CUL4B: variants seen among roughly 807,000 people sequenced by gnomAD.
CUL4B encodes cullin 4B.
In CUL4B, 1 loss-of-function variant was observed where a neutral mutation model predicts 69.2. The ratio of observed to expected loss-of-function variants is 0.01; its 90% CI spans 0.01 to 0.07. CUL4B has a LOEUF of 0.07. CUL4B is among the 10% of genes least tolerant of loss of function. CUL4B has a pLI of 1.00. For missense variants in CUL4B, 328 were observed against 638.8 expected, an observed-to-expected ratio of 0.51 and a Z score of 5.24; for synonymous variants, 237 against 223.2, an observed-to-expected ratio of 1.06 and a Z score of -0.55.
chrX:120,552,905 T>C (rs1457265423), intron 2 of CUL4B, among the ~76,000 whole-genome samples: 1 of 111,986 alleles, frequency 8.9e-6, no homozygotes, highest in Non-Finnish European at 1.9e-5. Context: ...TATCTCTCTT[T>C]TTATGTCAAG....
At chrX:120,561,075 G>A (rs1202435203), upstream of CUL4B, 8 of 1,009,119 alleles carry the variant, frequency 7.9e-6, no homozygotes, top group Non-Finnish European at 1.0e-5. Context: ...AATAGCACAA[G>A]AGGCTAAAGA....
intron 19 of CUL4B, among the ~76,000 whole-genome samples, chrX:120,529,570 C>A (rs1280806973): frequency 9.0e-6 from 1 of 111,632 alleles, no homozygotes; most frequent in Non-Finnish European, 1.9e-5. Context: ...TATTATTGGT[C>A]ATTCACAATG....
chrX:120,547,124 T>TA lies in CUL4B; in HGVS notation c.776+11dup, dbSNP rs200461872. 0.011 allele frequency: 12,947 copies of TA among 1,154,497 alleles called. 721 individuals are homozygous for TA. The African/African-American group carries it at 0.18, about 16-fold the overall frequency. On this transcript the variant is annotated intron_variant, in intron 3 of 19. Transcript: ENST00000371322. ...CAAAACTATTCACGATTTTTTGTTT[T>TA]AAAAAGGATATTCTCTGAATTGATG... is the stretch of plus-strand genomic sequence containing the variant.
chrX:120,556,684 C>T (rs1016032541), intron 2 of CUL4B, among the ~76,000 whole-genome samples: 2 of 108,794 alleles, frequency 1.8e-5, no homozygotes, highest in African/African-American at 6.7e-5. Flanking sequence ...CTTAAAAAAA[C>T]AGGAAAAAAA....
chrX:120,543,495 A>AAC lies in CUL4B; in HGVS notation c.1256+230_1256+231dup, dbSNP rs60058698. On this transcript the variant is annotated intron_variant, in intron 8 of 19. Coordinates refer to ENST00000371322, the MANE Select transcript of CUL4B (RefSeq NM_001079872.2). ...AGTATTATTTCTAAATTACCTTCTA[A>AAC]ACACACACACACACACACACACACA... 8.0e-3 allele frequency among the ~76,000 whole-genome samples: 789 copies of AAC among 98,153 alleles called. 3 individuals carry two copies. The highest frequency in any genetic ancestry group is 0.017 in the South Asian group (34 of 2,026). 85.2% of individuals were successfully genotyped at this position (98,153 alleles called of 115,157 possible).
chrX:120,566,209 A>G (rs1194604417), upstream of CUL4B, among the ~76,000 whole-genome samples: 1 of 106,049 alleles, frequency 9.4e-6, no homozygotes, highest in Non-Finnish European at 1.9e-5. Flanking sequence ...TAATCCAACT[A>G]CACAATGTGA....
At chrX:120,566,027 C>G (rs1020915394), upstream of CUL4B, among the ~76,000 whole-genome samples, 14 of 108,486 alleles carry the variant, frequency 1.3e-4, no homozygotes, top group Admixed American at 1.3e-3. Context: ...CGCGCCCGGC[C>G]CAGGCAGTCC....
intron 2 of CUL4B, among the ~76,000 whole-genome samples, chrX:120,548,093 G>T (rs968012442): frequency 9.0e-6 from 1 of 110,711 alleles, no homozygotes; most frequent in African/African-American, 3.3e-5. Context: ...CAGAAACAAA[G>T]CAAGACCCCA....
chrX:120,541,712 T>A lies in CUL4B; in HGVS notation c.1333A>T (p.Asn445Tyr). The A allele has an allele frequency of 8.8e-7, 1 of 1,141,833 alleles. No homozygotes were observed. The allele number at this position is 1,141,833 out of a possible 1,213,427, so 94.1% of individuals were successfully genotyped here. ...LTAILQKGLN[N>Y]LLDENRIQDL... ...TGAATTCGGTTTTCATCAAGGAGGTTATTTAAACCTGTATTTTAAAACATT... is the reference window on the plus strand; with the variant it reads ...TGAATTCGGTTTTCATCAAGGAGGTAATTTAAACCTGTATTTTAAAACATT... Residue 445 changes from asparagine (N) to tyrosine (Y), a missense_variant, in exon 10 of 20, where the codon AAC becomes TAC. Physicochemically the swap from Asn to Tyr is moderately radical, Grantham distance 143. Transcript: ENST00000371322.
intron 18 of CUL4B, among the ~76,000 whole-genome samples, chrX:120,530,690 C>T (rs12688345): frequency 0.53 from 58,398 of 110,452 alleles, 12,105 homozygotes; most frequent in Admixed American, 0.69. Context: ...TATTAACTGG[C>T]TAAGCAAACT....
intron 14 of CUL4B, 148 bp downstream of exon 14, chrX:120,537,976 C>T: frequency 9.3e-6 from 4 of 430,936 alleles, no homozygotes; most frequent in Non-Finnish European, 8.0e-6. Flanking sequence ...TTATATTTCA[C>T]CAATTTTTTT....
intron 17 of CUL4B, among the ~76,000 whole-genome samples, chrX:120,534,226 T>C (rs1923509802): frequency 9.4e-6 from 1 of 106,855 alleles, no homozygotes; most frequent in Non-Finnish European, 1.9e-5. Context: ...TTTTAAAAAT[T>C]AGCCAGGCAC....
intron 14 of CUL4B, among the ~76,000 whole-genome samples, chrX:120,537,308 C>T (rs1204086357): frequency 9.0e-6 from 1 of 111,353 alleles, no homozygotes; most frequent in Non-Finnish European, 1.9e-5. Context: ...ACAGCTGGGC[C>T]GTTATAGGAT....
chrX:120,569,282 C>T (rs898733445), downstream of CUL4B, among the ~76,000 whole-genome samples: 4 of 111,760 alleles, frequency 3.6e-5, no homozygotes, highest in African/African-American at 1.3e-4. Context: ...CCTTGCCCTC[C>T]ATTCTCAATT....
chrX:120,558,073 C>T (rs1925083665), intron 1 of CUL4B, 34 bp from the exon 2 acceptor site: 1 of 849,766 alleles, frequency 1.2e-6, no homozygotes, highest in Non-Finnish European at 1.8e-6. Flanking sequence ...CATCAGAATA[C>T]CATGTCAGAT....
chrX:120,566,638 C>T (rs1925557756), downstream of CUL4B, among the ~76,000 whole-genome samples: 1 of 108,059 alleles, frequency 9.3e-6, no homozygotes. Context: ...CTCAGGTGAT[C>T]TGCCTGCCTC....
rs1388965616 is a variant in CUL4B, at chrX:120,560,841, G to C, written c.-203C>G. On this transcript the variant is annotated 5_prime_UTR_variant, in exon 1 of 20. Transcript: ENST00000371322. ...GGGAAGGCGGATAGGCTGACACCAG[G>C]AGTGAGCAGAACGAGGGGGGAGAGC... The C allele has an allele frequency of 1.7e-5, 17 of 1,024,472 alleles. No homozygotes were observed. The highest frequency in any genetic ancestry group is 1.2e-4 in the Admixed American group (3 of 24,447). The allele number at this position is 1,024,472 out of a possible 1,213,427, so 84.4% of individuals were successfully genotyped here.
At chrX:120,534,953 T>A (rs1318789445) in intron 16 of CUL4B, among the ~76,000 whole-genome samples, 1 of 112,134 alleles carries the variant, frequency 8.9e-6, no homozygotes, top group Non-Finnish European at 1.9e-5. Context: ...AAAGCTAAAG[T>A]TTTTTGAGAT....
rs763692058 is a variant in CUL4B, at chrX:120,558,012, G to A, written c.584C>T (p.Thr195Ile). 11 of 1,204,486 alleles carry A rather than the reference G, an allele frequency of 9.1e-6. No homozygotes were observed. In the South Asian group the frequency reaches 1.9e-4, roughly 21 times the overall value. The part of the protein sequence containing the change: ...KDKPKLPENY[T>I]DETWQKLKEA... ...TTTCAGTTTTTGCCAGGTTTCATCT[G>A]TGTAGTTTTCTGGTAATTTAGGCTT... Residue 195 changes from threonine to isoleucine, a missense_variant, in exon 2 of 20, where the codon ACA becomes ATA. This residue lies in a region of CUL4B where 126 missense variants were observed against 202.5 expected (regional missense o/e 0.62). Transcript: ENST00000371322.
Sources: allele counts gnomAD v4.1 joint callset (sites outside exome capture counted in the v4.1 genomes callset), GRCh38; gene constraint gnomAD v4.1.1; regional missense constraint gnomAD v4.1.1; transcripts MANE v1.5; gene names NCBI Gene and HGNC (gene_info 2026-07-23, HGNC 2026-07-21).